The following SERPINC1 variants were observed in gnomAD, a reference collection of about 807,000 sequenced individuals.
SERPINC1 encodes the protein antithrombin-III.
SERPINC1 carries 12 observed loss-of-function variants against 43.4 expected under a neutral mutation model. That is an observed-to-expected ratio of 0.28 (90% CI 0.18 to 0.45). SERPINC1 has a LOEUF of 0.45. Ranked by LOEUF, SERPINC1 falls within the 20% of genes least tolerant of loss-of-function variation. The pLI is 1.00. For missense variants in SERPINC1, 423 were observed against 578.8 expected (o/e 0.73, Z 2.76); for synonymous variants, 210 against 218.9 (o/e 0.96, Z 0.36).
chr1:173,910,798 T>C lies in SERPINC1; in HGVS notation c.718A>G (p.Asn240Asp). ...ACCAGCACCAGAACAGTGAGCTCAT[T>C]GATGGCTTCCGAGGGAATGACATCG... ...ITDVIPSEAI[N>D]ELTVLVLVNT... Residue 240 changes from asparagine (N) to aspartate (D), a missense_variant, in exon 4 of 7, where the codon AAT becomes GAT. By Grantham distance (23) the Asn-to-Asp change is conservative. Transcript: ENST00000367698. 6.2e-7 allele frequency: 1 copy of C among 1,614,102 alleles called. No homozygotes were observed. Among genetic ancestry groups the C allele is most frequent in the African/African-American group, 1.3e-5 (1 of 75,036 alleles).
chr1:173,916,488 G>A (rs1657994558), intron 1 of SERPINC1, among the ~76,000 whole-genome samples: 1 of 152,258 alleles, frequency 6.6e-6, no homozygotes, highest in African/African-American at 2.4e-5. Flanking sequence ...GGCACCAAGG[G>A]AGATGTGGAA....
chr1:173,911,327 C>A (rs1657761369), intron 3 of SERPINC1, among the ~76,000 whole-genome samples: 2 of 152,122 alleles, frequency 1.3e-5, no homozygotes, highest in South Asian at 4.1e-4. Context: ...AATGCCCATG[C>A]AGTCAAATAC....
intron 5 of SERPINC1, 126 bp from the exon 6 acceptor site, chr1:173,907,640 C>A: frequency 1.3e-6 from 1 of 778,944 alleles, no homozygotes; most frequent in South Asian, 1.4e-5. Flanking sequence ...AATCCTAAAT[C>A]TTCACCTAAT....
At chr1:173,907,222 A>G (rs578013769) in intron 6 of SERPINC1, among the ~76,000 whole-genome samples, 6 of 151,704 alleles carry the variant, frequency 4.0e-5, no homozygotes, top group Non-Finnish European at 8.8e-5. Flanking sequence ...TTCTTTTCCT[A>G]TATCACCCTC....
Position 173,910,830 on chromosome 1 carries a change from C to T in SERPINC1, c.686G>A (p.Arg229Gln), listed in dbSNP as rs775062927. 6.2e-6 allele frequency: 10 copies of T among 1,614,004 alleles called. No individual in the cohort carries two copies. Among genetic ancestry groups the T allele is most frequent in the South Asian group, 1.1e-5 (1 of 91,082 alleles). The change falls in exon 4 of 7, where the codon CGA (arginine) becomes CAA (glutamine). Residue 229 changes from arginine to glutamine, a missense_variant. By Grantham distance (43) the Arg-to-Gln change is conservative. Transcript: ENST00000367698. The part of the protein sequence containing the change: ...NKWVSNKTEG[R>Q]ITDVIPSEAI... Reference sequence around the variant, plus strand: ...TTCCGAGGGAATGACATCGGTGATTCGGCCTTCGGTCTTATTGGACACCCA... The same window carrying T: ...TTCCGAGGGAATGACATCGGTGATTTGGCCTTCGGTCTTATTGGACACCCA...
intron 6 of SERPINC1, among the ~76,000 whole-genome samples, chr1:173,905,448 G>A (rs1339860732): frequency 2.0e-5 from 3 of 147,354 alleles, no homozygotes; most frequent in South Asian, 2.1e-4. Context: ...GGCCGGGCAC[G>A]GTGGCTCATG....
At chr1:173,913,790 G>A (rs796838274) in intron 2 of SERPINC1, among the ~76,000 whole-genome samples, 4 of 151,670 alleles carry the variant, frequency 2.6e-5, no homozygotes, top group Admixed American at 2.6e-4. Flanking sequence ...GGGAGGTAGA[G>A]GTTGCAGTGA....
chr1:173,910,729 G>T (rs752241956), intron 4 of SERPINC1, 25 bp downstream of exon 4: 9 of 1,612,786 alleles, frequency 5.6e-6, no homozygotes, highest in Admixed American at 5.0e-5. Flanking sequence ...AGTCCCTGGG[G>T]TCTCTCCAGG....
At chr1:173,907,739 G>T (rs1431734288) in intron 5 of SERPINC1, among the ~76,000 whole-genome samples, 5 of 152,068 alleles carry the variant, frequency 3.3e-5, no homozygotes, top group Non-Finnish European at 4.4e-5. Flanking sequence ...CAGCACTTCG[G>T]GAGGCCAAGG....
rs201656611 is a variant in SERPINC1 at position 173,912,025 on chromosome 1, C to CA, written c.409-12dup. ...GTCAAACTTAAATACCTATAGAAGT[C>CA]AAAAAAAAATGGTGGTGGGTTTGGT... is the stretch of plus-strand genomic sequence containing the variant. On this transcript the variant is annotated splice_polypyrimidine_tract_variant and intron_variant, in intron 2 of 6. Transcript: ENST00000367698. The CA allele has an allele frequency of 5.2e-4, 819 of 1,563,886 alleles. 4 individuals are homozygous for CA. In the African/African-American group the frequency reaches 6.3e-3, roughly 12 times the overall value.
chr1:173,915,501 C>A (rs376328739), intron 1 of SERPINC1, among the ~76,000 whole-genome samples: 73 of 152,194 alleles, frequency 4.8e-4, no homozygotes, highest in African/African-American at 1.6e-3. Context: ...CATGGTGAAA[C>A]CCTGTCTCTA....
chr1:173,914,936 T>C lies in SERPINC1; in HGVS notation c.42-17A>G, dbSNP rs768646742. 1 of 1,610,418 alleles carries C rather than the reference T, an allele frequency of 6.2e-7. No homozygotes were observed. Among genetic ancestry groups the C allele is most frequent in the Non-Finnish European group, 8.5e-7 (1 of 1,179,874 alleles). On this transcript the variant is annotated splice_polypyrimidine_tract_variant and intron_variant, in intron 1 of 6. Coordinates refer to ENST00000367698, the MANE Select transcript of SERPINC1 (RefSeq NM_000488.4). The stretch of plus-strand genomic sequence containing the variant: ...TAAACCTTCCTGCAAGGAGACAAAA[T>C]GCCAAGTTAAGCTAGGCTGCAACCC...
At chr1:173,907,894 T>C (rs1193377754) in intron 5 of SERPINC1, among the ~76,000 whole-genome samples, 1 of 151,532 alleles carries the variant, frequency 6.6e-6, no homozygotes, top group Non-Finnish European at 1.5e-5. Context: ...GGCAGGAGAA[T>C]CGCTTGAACT....
At chr1:173,912,602 T>C (rs1657814536) in intron 2 of SERPINC1, among the ~76,000 whole-genome samples, 1 of 152,190 alleles carries the variant, frequency 6.6e-6, no homozygotes, top group Non-Finnish European at 1.5e-5. Context: ...GCCCTTTCCA[T>C]GCTCTCTCCT....
At chr1:173,906,331 G>A (rs999649865) in intron 6 of SERPINC1, among the ~76,000 whole-genome samples, 4 of 152,214 alleles carry the variant, frequency 2.6e-5, no homozygotes, top group African/African-American at 9.6e-5. Flanking sequence ...AGGGTTCCAT[G>A]CACATCTCAT....
chr1:173,917,096 TTGACTG>T (rs1431717075), intron 1 of SERPINC1, 117 bp downstream of exon 1: 1 of 851,512 alleles, frequency 1.2e-6, no homozygotes, highest in Non-Finnish European at 2.0e-6. Flanking sequence ...AAACAGGTCT[TTGACTG>T]TAACTACCAG....
chr1:173,910,766 G>C lies in SERPINC1; in HGVS notation c.750C>G (p.Thr250=), dbSNP rs1018454989. 4.3e-6 allele frequency: 7 copies of C among 1,614,022 alleles called. No individual in the cohort carries two copies. Among genetic ancestry groups the C allele is most frequent in the Non-Finnish European group, 5.9e-6 (7 of 1,179,958 alleles). The change falls in exon 4 of 7, where the codon ACC becomes ACG. Residue 250 remains threonine, a synonymous_variant. Transcript: ENST00000367698. ...CCATTCTGAGTACCTTGAAGTAAAT[G>C]GTGTTAACCAGCACCAGAACAGTGA... ...NELTVLVLVN[T]IYFKGLWKSK...
In SERPINC1 at chr1:173,909,798, C is replaced by A. The variant is rs1657688142; in HGVS notation, c.907G>T (p.Glu303Ter). 6.2e-7 allele frequency: 1 copy of A among 1,614,086 alleles called. No individual in the cohort carries two copies. Among genetic ancestry groups the A allele is most frequent in the Non-Finnish European group, 8.5e-7 (1 of 1,180,016 alleles). ...RRVAEGTQVLELPFKGDDITM... is the reference protein window; with the variant it reads ...RRVAEGTQVL ...ATGTCATCACCTTTGAAGGGCAACT[C>A]AAGCACCTGGGTGCCTTCAGCCACG... Residue 303 changes from glutamate (E) to a stop codon, truncating the protein, a stop_gained, in exon 5 of 7, where the codon GAG (glutamate) becomes TAG (stop). Coordinates refer to ENST00000367698, the MANE Select transcript of SERPINC1 (RefSeq NM_000488.4). LOFTEE classifies it high-confidence loss of function.
intron 3 of SERPINC1, 43 bp downstream of exon 3, chr1:173,911,756 G>A (rs773947348): frequency 9.7e-6 from 14 of 1,446,738 alleles, no homozygotes; most frequent in Admixed American, 1.7e-5. Flanking sequence ...TCTCTGAGTG[G>A]AGAGGAAGAA....
Sources: gnomAD v4.1 joint callset for allele counts (sites outside exome capture counted in the v4.1 genomes callset) on GRCh38, gnomAD v4.1.1 for gene constraint, MANE v1.5 for transcripts, NCBI Gene and HGNC (gene_info 2026-07-23, HGNC 2026-07-21) for gene names.